RPS6KC1: variants seen among roughly 807,000 people sequenced by gnomAD.
RPS6KC1 encodes inactive ribosomal protein S6 kinase delta-1.
Under a neutral mutation model 103.8 loss-of-function variants are expected in RPS6KC1, and 54 were observed. The observed-to-expected ratio is 0.52, with a 90% CI of 0.42 to 0.65. The LOEUF (loss-of-function observed/expected upper bound fraction) is 0.65. Ranked by LOEUF, RPS6KC1 falls within the 30% of genes least tolerant of loss-of-function variation. The probability of loss-of-function intolerance (pLI) is 0.00; values close to 1 mark genes in which losing one functional copy is unlikely to be tolerated. For synonymous variants in RPS6KC1, 439 were observed against 438.7 expected (o/e 1.00, Z -0.01); for missense variants, 1,151 against 1,253.8 (o/e 0.92, Z 1.24).
chr1:213,110,674 GCTTTTACTTTC>G (rs2082933294), intron 4 of RPS6KC1, among the ~76,000 whole-genome samples: 2 of 152,048 alleles, frequency 1.3e-5, no homozygotes, highest in Non-Finnish European at 2.9e-5. Context: ...ATTTGCCCTG[GCTTTTACTTTC>G]CTCTGAAGTC....
At chr1:213,792,607 G>A in the RPS6KC1 span, among the ~76,000 whole-genome samples, 1 of 152,154 alleles carries the variant, frequency 6.6e-6, no homozygotes, top group Non-Finnish European at 1.5e-5. Flanking sequence ...TGGACTTATA[G>A]ATTATGGAAT....
the RPS6KC1 span, among the ~76,000 whole-genome samples, chr1:213,383,792 A>G: frequency 7.8e-4 from 118 of 151,060 alleles, no homozygotes; most frequent in African/African-American, 2.4e-3. Context: ...CCACCTGAGG[A>G]CACAGTGAGA....
the RPS6KC1 span, among the ~76,000 whole-genome samples, chr1:213,572,614 AT>A: frequency 1.3e-5 from 2 of 152,218 alleles, no homozygotes; most frequent in Non-Finnish European, 2.9e-5. Flanking sequence ...AAATAAACAA[AT>A]TTAGTTTTTT....
chr1:213,775,858 T>A, the RPS6KC1 span, among the ~76,000 whole-genome samples: 1 of 152,350 alleles, frequency 6.6e-6, no homozygotes, highest in Admixed American at 6.5e-5. Flanking sequence ...GCTGCTGCTT[T>A]ATCAACTAAC....
chr1:213,193,670 A>G (rs2092833078), intron 8 of RPS6KC1, among the ~76,000 whole-genome samples: 1 of 151,998 alleles, frequency 6.6e-6, no homozygotes, highest in African/African-American at 2.4e-5. Flanking sequence ...GAGTCTCACT[A>G]CGTCACCCAG....
the RPS6KC1 span, among the ~76,000 whole-genome samples, chr1:213,469,597 A>T: frequency 6.6e-6 from 1 of 152,094 alleles, no homozygotes. Flanking sequence ...CTCCAATGTC[A>T]CACCCCAGGC....
the RPS6KC1 span, among the ~76,000 whole-genome samples, chr1:213,289,253 C>CAAAAAAA: frequency 2.6e-5 from 2 of 77,096 alleles, no homozygotes; most frequent in Non-Finnish European, 4.6e-5. Flanking sequence ...GTTGGATGCT[C>CAAAAAAA]AAAAAAAAAA....
chr1:213,480,069 A>C, the RPS6KC1 span, among the ~76,000 whole-genome samples: 1 of 151,940 alleles, frequency 6.6e-6, no homozygotes, highest in Admixed American at 6.6e-5. Flanking sequence ...TCTTTTTCTG[A>C]AATATCTTAC....
chr1:213,511,276 G>A, the RPS6KC1 span, among the ~76,000 whole-genome samples: 2 of 152,200 alleles, frequency 1.3e-5, no homozygotes, highest in African/African-American at 2.4e-5. Flanking sequence ...GCAAGTGTGT[G>A]GAAGCTGTGT....
the RPS6KC1 span, among the ~76,000 whole-genome samples, chr1:213,786,294 A>G: frequency 1.3e-5 from 2 of 152,132 alleles, no homozygotes; most frequent in African/African-American, 2.4e-5. Flanking sequence ...CCAATAATAA[A>G]ATTGTTCTAT....
chr1:213,316,212 C>G, the RPS6KC1 span, among the ~76,000 whole-genome samples: 1 of 152,236 alleles, frequency 6.6e-6, no homozygotes, highest in Non-Finnish European at 1.5e-5. Context: ...TCAGCTGCCA[C>G]CATCTAAGAT....
intron 12 of RPS6KC1, among the ~76,000 whole-genome samples, chr1:213,255,206 G>T (rs973105504): frequency 3.3e-5 from 5 of 151,764 alleles, no homozygotes; most frequent in African/African-American, 1.2e-4. Context: ...CATGCCTGTG[G>T]TCCCAGCTAC....
chr1:213,257,134 C>G (rs1217705103), intron 12 of RPS6KC1, among the ~76,000 whole-genome samples: 1 of 152,168 alleles, frequency 6.6e-6, no homozygotes, highest in African/African-American at 2.4e-5. Context: ...TATCTTGTGG[C>G]TTCAAGAACA....
At chr1:213,073,838 G>C (rs560226204) in intron 2 of RPS6KC1, among the ~76,000 whole-genome samples, 1 of 152,046 alleles carries the variant, frequency 6.6e-6, no homozygotes, top group Admixed American at 6.5e-5. Flanking sequence ...ACCACACCTG[G>C]CTGATTTTTG....
the RPS6KC1 span, among the ~76,000 whole-genome samples, chr1:213,697,991 G>A: frequency 6.6e-6 from 1 of 151,620 alleles, no homozygotes; most frequent in African/African-American, 2.4e-5. Context: ...AATTTTATTA[G>A]TTGGGGCATT....
chr1:213,469,994 C>A, the RPS6KC1 span, among the ~76,000 whole-genome samples: 633 of 152,282 alleles, frequency 4.2e-3, 5 homozygotes, highest in African/African-American at 0.013. Flanking sequence ...ACCTGGGTGA[C>A]AGAGAGACCT....
chr1:213,510,030 C>A, the RPS6KC1 span, among the ~76,000 whole-genome samples: 1 of 152,166 alleles, frequency 6.6e-6, no homozygotes, highest in Non-Finnish European at 1.5e-5. Flanking sequence ...TCTTTGATTG[C>A]CTGTTTTCTA....
At chr1:213,732,787 T>C in the RPS6KC1 span, among the ~76,000 whole-genome samples, 1 of 152,198 alleles carries the variant, frequency 6.6e-6, no homozygotes, top group Non-Finnish European at 1.5e-5. Flanking sequence ...TGAAAATATA[T>C]TTTAATCTCT....
At chr1:213,545,334 G>C in the RPS6KC1 span, among the ~76,000 whole-genome samples, 1 of 151,180 alleles carries the variant, frequency 6.6e-6, no homozygotes, top group Non-Finnish European at 1.5e-5. Context: ...TCGGGCCACT[G>C]CACTCCAGCC....
Sources: gnomAD v4.1 joint callset for allele counts (sites outside exome capture counted in the v4.1 genomes callset) on GRCh38, gnomAD v4.1.1 for gene constraint, MANE v1.5 for transcripts, NCBI Gene and HGNC (gene_info 2026-07-23, HGNC 2026-07-21) for gene names.